ZNF407: variants seen among roughly 807,000 people sequenced by gnomAD.
The protein encoded by ZNF407 is zinc finger protein 407.
A neutral mutation model predicts 131.2 loss-of-function variants in ZNF407; 17 were observed. The observed-to-expected ratio is 0.13, with a 90% confidence interval of 0.09 to 0.19. The LOEUF is 0.19. Ranked by LOEUF, ZNF407 falls within the 10% of genes least tolerant of loss-of-function variation. The pLI, the probability that ZNF407 is intolerant of heterozygous loss-of-function variation, is 1.00. For missense variants in ZNF407, 2,681 were observed against 2,830.6 expected (o/e 0.95, Z 1.20); for synonymous variants, 1,156 against 1,062.0 (o/e 1.09, Z -1.72).
intron 4 of ZNF407, among the ~76,000 whole-genome samples, chr18:74,857,833 C>G (rs1184017387): frequency 2.0e-5 from 3 of 151,842 alleles, no homozygotes; most frequent in African/African-American, 7.3e-5. Flanking sequence ...TATGATATCT[C>G]TTTGTGGTGT....
chr18:74,635,616 G>A lies in ZNF407; in HGVS notation c.4597G>A (p.Glu1533Lys). Residue 1533 changes from glutamate to lysine, a missense_variant, in exon 2 of 9, where the codon GAA becomes AAA. Physicochemically the swap from Glu to Lys is moderately conservative, Grantham distance 56 (BLOSUM62 1). Around this residue, in one of 6 missense-constraint regions of ZNF407, gnomAD observed 213 missense variants for 332.2 expected, o/e 0.64. Transcript: ENST00000299687. This position sits in a 1 kb window ranked among gnomAD's most constrained non-coding sequence, Gnocchi z 4.7. ...DTEQINRERE[E>K]NQGNVCKYCG... The stretch of plus-strand genomic sequence containing the variant: ...TGAGCAAATCAACCGCGAGAGGGAG[G>A]AAAACCAGGGAAACGTCTGCAAGTA... 6.2e-7 allele frequency: 1 copy of A among 1,613,580 alleles called. No homozygotes were observed. Among genetic ancestry groups the A allele is most frequent in the Non-Finnish European group, 8.5e-7 (1 of 1,179,768 alleles).
intron 4 of ZNF407, among the ~76,000 whole-genome samples, chr18:74,806,864 T>A (rs1970117916): frequency 6.6e-6 from 1 of 152,234 alleles, no homozygotes; most frequent in South Asian, 2.1e-4. Context: ...TCTAGGACTA[T>A]GAGTCACCTT....
At chr18:74,975,014 G>T (rs1415009449) in intron 8 of ZNF407, among the ~76,000 whole-genome samples, 2 of 152,170 alleles carry the variant, frequency 1.3e-5, no homozygotes, top group African/African-American at 4.8e-5. Context: ...CTGGGACTGT[G>T]CCCATTAATA....
intron 8 of ZNF407, among the ~76,000 whole-genome samples, chr18:75,031,717 C>T (rs1226636012): frequency 6.6e-6 from 1 of 152,182 alleles, no homozygotes; most frequent in African/African-American, 2.4e-5. Context: ...ATTTTCAAGT[C>T]GTAACTTCTT....
intron 7 of ZNF407, among the ~76,000 whole-genome samples, chr18:74,892,332 G>A (rs962402003): frequency 3.3e-5 from 5 of 152,180 alleles, no homozygotes; most frequent in South Asian, 4.1e-4. Context: ...TCAAACTATC[G>A]AGTGAAATGC....
chr18:74,624,500 C>G (rs1464190509), intron 1 of ZNF407, among the ~76,000 whole-genome samples: 1 of 152,202 alleles, frequency 6.6e-6, no homozygotes, highest in Non-Finnish European at 1.5e-5. Flanking sequence ...GACCGTATTA[C>G]TTAAACTCTT....
In ZNF407 at chr18:74,631,371, A is replaced by C; in HGVS notation, c.352A>C (p.Ser118Arg). Residue 118 changes from serine to arginine, a missense_variant, in exon 2 of 9, where the codon AGT becomes CGT. Physicochemically the swap from Ser to Arg is moderately radical, Grantham distance 110. This residue lies in a region of ZNF407 where 1,789 missense variants were observed against 1,748.7 expected (regional missense o/e 1.02). Coordinates refer to ENST00000299687, the MANE Select transcript of ZNF407 (RefSeq NM_017757.3). ...LDETGKETFL[S>R]DCTVGGTCLP... ...TGAAACAGGGAAGGAGACCTTTCTG[A>C]GTGACTGCACAGTTGGAGGCACATG... 1 of 1,614,022 alleles carries C rather than the reference A, an allele frequency of 6.2e-7. No homozygotes were observed. Among genetic ancestry groups the C allele is most frequent in the Non-Finnish European group, 8.5e-7 (1 of 1,179,898 alleles).
intron 8 of ZNF407, among the ~76,000 whole-genome samples, chr18:74,967,942 G>A (rs1972427399): frequency 6.6e-6 from 1 of 152,082 alleles, no homozygotes; most frequent in South Asian, 2.1e-4. Flanking sequence ...CTTTCCCAGG[G>A]CTCCACTGCT....
chr18:74,846,834 A>G (rs1194336882), intron 4 of ZNF407, among the ~76,000 whole-genome samples: 1 of 151,846 alleles, frequency 6.6e-6, no homozygotes, highest in Non-Finnish European at 1.5e-5. Context: ...TTGACTAAAA[A>G]AGTAGAAAAA....
At chr18:74,785,693 A>G (rs1969689997) in intron 4 of ZNF407, among the ~76,000 whole-genome samples, 1 of 152,188 alleles carries the variant, frequency 6.6e-6, no homozygotes, top group Admixed American at 6.5e-5. Context: ...TTTTTATGAA[A>G]CATGAAAATA....
At chr18:74,878,319 C>A (rs1568252074) in intron 5 of ZNF407, among the ~76,000 whole-genome samples, 2 of 152,050 alleles carry the variant, frequency 1.3e-5, no homozygotes, top group South Asian at 4.2e-4. Flanking sequence ...AATCAGCATT[C>A]CAAAATGTTC....
chr18:74,816,830 G>A (rs1326464468), intron 4 of ZNF407, among the ~76,000 whole-genome samples: 1 of 151,942 alleles, frequency 6.6e-6, no homozygotes, highest in Non-Finnish European at 1.5e-5. Context: ...TAAATTGGTG[G>A]TATAATTTAT....
intron 8 of ZNF407, among the ~76,000 whole-genome samples, chr18:75,051,362 A>C (rs1973498717): frequency 6.6e-6 from 1 of 152,208 alleles, no homozygotes; most frequent in Admixed American, 6.5e-5. Context: ...TCCTGTGCTC[A>C]CTTACGGAAC....
intron 8 of ZNF407, among the ~76,000 whole-genome samples, chr18:75,056,434 A>G (rs755302634): frequency 2.6e-5 from 4 of 152,208 alleles, no homozygotes; most frequent in Non-Finnish European, 2.9e-5. Context: ...ATATAAAACT[A>G]AGAGGTTACT....
At chr18:74,970,235 G>A (rs929806997) in intron 8 of ZNF407, among the ~76,000 whole-genome samples, 1 of 151,732 alleles carries the variant, frequency 6.6e-6, no homozygotes, top group African/African-American at 2.4e-5. Flanking sequence ...AGATTTGGAT[G>A]GGGACACAGC....
intron 8 of ZNF407, among the ~76,000 whole-genome samples, chr18:74,947,045 T>C (rs932356751): frequency 6.6e-6 from 1 of 152,224 alleles, no homozygotes; most frequent in Non-Finnish European, 1.5e-5. Context: ...TCAATTTGAC[T>C]AGTAGAAGAA....
chr18:74,696,669 C>G (rs552412980), intron 3 of ZNF407, among the ~76,000 whole-genome samples: 1 of 152,090 alleles, frequency 6.6e-6, no homozygotes, highest in Non-Finnish European at 1.5e-5. Context: ...GACAAATACA[C>G]ATACACATGA....
At chr18:74,980,483 T>C (rs969144745) in intron 8 of ZNF407, among the ~76,000 whole-genome samples, 1 of 152,056 alleles carries the variant, frequency 6.6e-6, no homozygotes, top group Non-Finnish European at 1.5e-5. Flanking sequence ...TTTTTGTATT[T>C]TAATAGAGAC....
At chr18:74,860,212 C>A (rs1157106469) in intron 4 of ZNF407, among the ~76,000 whole-genome samples, 1 of 151,698 alleles carries the variant, frequency 6.6e-6, no homozygotes, top group Non-Finnish European at 1.5e-5. Flanking sequence ...AAGGAGGATC[C>A]CTTGAGCCTG....
Sources: gnomAD v4.1 joint callset for allele counts (sites outside exome capture counted in the v4.1 genomes callset) on GRCh38, gnomAD v4.1.1 for gene constraint, gnomAD v4.1.1 regional missense constraint, Gnocchi (gnomAD v3.1) non-coding constraint, MANE v1.5 for transcripts, NCBI Gene and HGNC (gene_info 2026-07-23, HGNC 2026-07-21) for gene names.